Variants in AOAH observed in about 807,000 individuals in gnomAD.
The protein encoded by AOAH is acyloxyacyl hydrolase.
In AOAH, 64 loss-of-function variants were observed where a neutral mutation model predicts 92.2. That is an observed-to-expected ratio of 0.69 (90% confidence interval 0.57 to 0.86). The LOEUF (loss-of-function observed/expected upper bound fraction) is 0.86. Among genes scored for constraint, AOAH ranks in the 40% least tolerant of loss-of-function variants. The probability of loss-of-function intolerance (pLI) is 0.00; values close to 1 mark genes in which losing one functional copy is unlikely to be tolerated. For synonymous variants in AOAH, 263 were observed against 254.5 expected, an observed-to-expected ratio of 1.03 and a Z score of -0.32; for missense variants, 656 against 694.6, an observed-to-expected ratio of 0.94 and a Z score of 0.62.
In AOAH at chr7:36,710,272, G is replaced by A. The variant is rs181567211; in HGVS notation, c.127+13750C>T. ...ATCAAGATTTTCCTAGATGGGCCAG[G>A]CATATTCAGGGAACCCTTTAAATGT... On this transcript the variant is annotated intron_variant, in intron 1 of 20. Coordinates refer to ENST00000617537, the MANE Select transcript of AOAH (RefSeq NM_001637.4). Among the ~76,000 whole-genome samples, 155 of 152,248 alleles carry A rather than the reference G, an allele frequency of 1.0e-3. 1 individual carries two copies. Among genetic ancestry groups the A allele is most frequent in the Middle Eastern group, 6.8e-3 (2 of 294 alleles).
At chr7:36,721,614 C>G (rs772627774) in intron 1 of AOAH, among the ~76,000 whole-genome samples, 1 of 152,130 alleles carries the variant, frequency 6.6e-6, no homozygotes, top group Non-Finnish European at 1.5e-5. Context: ...GCAGAGTTAA[C>G]CAGAAGAAGT....
chr7:36,621,626 C>A, intron 8 of AOAH, 84 bp downstream of exon 8: 3 of 1,269,914 alleles, frequency 2.4e-6, no homozygotes, highest in Non-Finnish European at 3.5e-6. Context: ...AGTGGGAATC[C>A]CCTAGGCTGG....
chr7:36,572,490 T>G (rs1316495045), intron 13 of AOAH, among the ~76,000 whole-genome samples: 1 of 150,330 alleles, frequency 6.7e-6, no homozygotes, highest in Non-Finnish European at 1.5e-5. Context: ...GCCACTGTGC[T>G]CCAGCCTGAG....
intron 5 of AOAH, among the ~76,000 whole-genome samples, 176 bp from the exon 6 acceptor site, chr7:36,632,282 CTGCCTG>C (rs1793175696): frequency 6.6e-6 from 1 of 152,170 alleles, no homozygotes; most frequent in Non-Finnish European, 1.5e-5. Flanking sequence ...ATCCATGCCA[CTGCCTG>C]TGCCTTTGCC....
intron 4 of AOAH, among the ~76,000 whole-genome samples, chr7:36,645,122 G>GC (rs1315014862): frequency 6.6e-6 from 1 of 152,122 alleles, no homozygotes; most frequent in Non-Finnish European, 1.5e-5. Flanking sequence ...CAGTGTCTGT[G>GC]CCCCCCACCC....
intron 1 of AOAH, among the ~76,000 whole-genome samples, chr7:36,706,616 CA>C (rs1798429357): frequency 6.6e-6 from 1 of 152,166 alleles, no homozygotes. Flanking sequence ...CTATGAAAGT[CA>C]TATAGATGAC....
intron 1 of AOAH, among the ~76,000 whole-genome samples, chr7:36,701,906 C>T (rs76734774): frequency 0.048 from 7,281 of 152,038 alleles, 323 homozygotes; most frequent in African/African-American, 0.11. Context: ...TTTACTTCCT[C>T]TCATAACATT....
chr7:36,632,138 T>C (rs1257434862), intron 5 of AOAH, 32 bp from the exon 6 acceptor site: 2 of 1,573,404 alleles, frequency 1.3e-6, no homozygotes, highest in Non-Finnish European at 1.7e-6. Context: ...AAAAGAGAGT[T>C]GTTTAGTTTA....
intron 3 of AOAH, among the ~76,000 whole-genome samples, chr7:36,666,715 T>C (rs958478127): frequency 6.6e-6 from 1 of 152,130 alleles, no homozygotes; most frequent in African/African-American, 2.4e-5. Flanking sequence ...TGCTACAAAT[T>C]TCTGTTTAAG....
At chr7:36,618,197 T>A in intron 10 of AOAH, 100 bp downstream of exon 10, 1 of 977,022 alleles carries the variant, frequency 1.0e-6, no homozygotes, top group Non-Finnish European at 1.6e-6. Flanking sequence ...AATCCTAGCA[T>A]CAAGCACGTT....
chr7:36,588,044 C>T (rs560188141), intron 12 of AOAH, among the ~76,000 whole-genome samples: 2 of 152,272 alleles, frequency 1.3e-5, no homozygotes, highest in African/African-American at 4.8e-5. Flanking sequence ...AGTACAAATG[C>T]TTTATGCATA....
At chr7:36,711,490 TTCTC>T (rs1326267365) in intron 1 of AOAH, among the ~76,000 whole-genome samples, 3 of 152,268 alleles carry the variant, frequency 2.0e-5, no homozygotes, top group African/African-American at 2.4e-5. Context: ...CCTGTGGTCT[TTCTC>T]TTCAGGTTTC....
At chr7:36,672,341 A>G (rs1226642090) in intron 3 of AOAH, among the ~76,000 whole-genome samples, 1 of 152,168 alleles carries the variant, frequency 6.6e-6, no homozygotes, top group Non-Finnish European at 1.5e-5. Context: ...CTTGAAGAGG[A>G]ATCATGTAAG....
chr7:36,590,238 TA>T lies in AOAH; in HGVS notation c.938+4100del, dbSNP rs1789649635. On this transcript the variant is annotated intron_variant, in intron 12 of 20. Transcript: ENST00000617537. ...TGCCCAGTAGCTATTTTTAATCTTT[TA>T]AAAATACTTTTTTCTTCCTATTTAC... Among the ~76,000 whole-genome samples, 3 of 152,146 alleles carry T rather than the reference TA, an allele frequency of 2.0e-5. No individual in the cohort carries two copies. In the South Asian group the frequency reaches 6.2e-4, roughly 31 times the overall value.
At chr7:36,653,944 C>T (rs886787514) in intron 4 of AOAH, among the ~76,000 whole-genome samples, 1 of 152,138 alleles carries the variant, frequency 6.6e-6, no homozygotes, top group African/African-American at 2.4e-5. Context: ...GGGGCTCATG[C>T]AATGTAACAT....
At chr7:36,657,971 C>T (rs1199994802) in intron 4 of AOAH, among the ~76,000 whole-genome samples, 4 of 152,042 alleles carry the variant, frequency 2.6e-5, no homozygotes, top group South Asian at 2.1e-4. Context: ...ACACAGAGAC[C>T]CATTTCTTCC....
chr7:36,617,590 GTGAATGAATGAA>G, intron 10 of AOAH, among the ~76,000 whole-genome samples: 1 of 152,318 alleles, frequency 6.6e-6, no homozygotes, highest in Non-Finnish European at 1.5e-5. Context: ...TGTTGAATGA[GTGAATGAATGAA>G]TGAATGAATG....
At chr7:36,702,821 G>A (rs1584152383) in intron 1 of AOAH, among the ~76,000 whole-genome samples, 1 of 152,122 alleles carries the variant, frequency 6.6e-6, no homozygotes, top group Admixed American at 6.6e-5. Flanking sequence ...ATAAGACAAC[G>A]AAGTTTGCCA....
At chr7:36,521,156 C>T (rs1328772303) in intron 20 of AOAH, among the ~76,000 whole-genome samples, 1 of 152,094 alleles carries the variant, frequency 6.6e-6, no homozygotes, top group Non-Finnish European at 1.5e-5. Context: ...AGCAAGCGAG[C>T]ATCCCCCAGG....
Sources: allele counts gnomAD v4.1 joint callset (sites outside exome capture counted in the v4.1 genomes callset), GRCh38; gene constraint gnomAD v4.1.1; transcripts MANE v1.5; gene names NCBI Gene and HGNC (gene_info 2026-07-23, HGNC 2026-07-21).